STK4: variants seen among roughly 807,000 people sequenced by gnomAD.
STK4 encodes the protein serine/threonine-protein kinase 4.
STK4 carries 30 observed loss-of-function variants against 64.9 expected under a neutral mutation model. The ratio of observed to expected loss-of-function variants is 0.46; its 90% CI spans 0.35 to 0.63. STK4 has a LOEUF of 0.63. Ranked by LOEUF, STK4 falls within the 20% of genes least tolerant of loss-of-function variation. STK4 has a pLI of 0.01. For synonymous variants in STK4, 177 were observed against 199.0 expected (o/e 0.89, Z 0.93); for missense variants, 466 against 598.5 (o/e 0.78, Z 2.31).
chr20:45,039,425 C>G (rs1271579655), intron 10 of STK4, among the ~76,000 whole-genome samples: 1 of 151,440 alleles, frequency 6.6e-6, no homozygotes, highest in African/African-American at 2.4e-5. Context: ...TTCCAGAATA[C>G]TTATTTTCAT....
At chr20:45,028,821 T>G (rs991315841) in intron 10 of STK4, among the ~76,000 whole-genome samples, 2 of 152,242 alleles carry the variant, frequency 1.3e-5, no homozygotes, top group Non-Finnish European at 2.9e-5. Flanking sequence ...TTTCTCATAC[T>G]AAGATCATTG....
intron 10 of STK4, among the ~76,000 whole-genome samples, chr20:45,031,692 A>T (rs1325596376): frequency 2.0e-5 from 3 of 152,136 alleles, no homozygotes; most frequent in African/African-American, 7.2e-5. Context: ...ACGTGAGGTC[A>T]GGAGTTTGAG....
At chr20:45,006,984 T>C (rs1056384379) in intron 9 of STK4, among the ~76,000 whole-genome samples, 1 of 152,224 alleles carries the variant, frequency 6.6e-6, no homozygotes, top group African/African-American at 2.4e-5. Flanking sequence ...TGTGGGTTTC[T>C]TTCCCGCTTT....
At chr20:45,014,558 G>A (rs34864931) in intron 9 of STK4, among the ~76,000 whole-genome samples, 38,669 of 151,618 alleles carry the variant, frequency 0.26, 5,617 homozygotes, top group Middle Eastern at 0.43. Context: ...TTTTTTAGTG[G>A]CAAAGATAAC....
At chr20:44,975,688 A>G (rs2067328042) in intron 2 of STK4, 1 of 152,156 alleles carries the variant, frequency 6.6e-6, no homozygotes, top group Non-Finnish European at 1.5e-5. Flanking sequence ...ACAACCAGAA[A>G]GTGTCATTTG....
At chr20:45,001,778 G>T (rs2067846605) in intron 9 of STK4, among the ~76,000 whole-genome samples, 1 of 152,132 alleles carries the variant, frequency 6.6e-6, no homozygotes, top group Non-Finnish European at 1.5e-5. Flanking sequence ...TACCAATACT[G>T]TCAGTCAATG....
At chr20:45,050,098 G>A (rs1383393324) in intron 10 of STK4, among the ~76,000 whole-genome samples, 1 of 152,122 alleles carries the variant, frequency 6.6e-6, no homozygotes, top group Non-Finnish European at 1.5e-5. Context: ...AGAGTAAGGG[G>A]ATCTTCCTAG....
At chr20:45,009,437 T>G (rs1295567319) in intron 9 of STK4, among the ~76,000 whole-genome samples, 1 of 152,174 alleles carries the variant, frequency 6.6e-6, no homozygotes, top group East Asian at 1.9e-4. Flanking sequence ...TTCTGGTTAC[T>G]ATAGTCTTAT....
intron 3 of STK4, among the ~76,000 whole-genome samples, chr20:44,981,435 G>A (rs1352501269): frequency 6.6e-6 from 1 of 152,122 alleles, no homozygotes; most frequent in Admixed American, 6.5e-5. Flanking sequence ...GATTACAGGT[G>A]TGAGCCACTG....
intron 9 of STK4, among the ~76,000 whole-genome samples, chr20:45,017,942 A>G (rs2068173517): frequency 6.6e-6 from 1 of 152,232 alleles, no homozygotes; most frequent in Non-Finnish European, 1.5e-5. Context: ...AGGGAACCTT[A>G]TAACTTATGA....
intron 10 of STK4, among the ~76,000 whole-genome samples, chr20:45,066,704 G>C (rs1430425897): frequency 6.6e-6 from 1 of 152,208 alleles, no homozygotes; most frequent in Non-Finnish European, 1.5e-5. Context: ...AAATGGGATT[G>C]AGGCAATTGT....
intron 10 of STK4, among the ~76,000 whole-genome samples, chr20:45,054,610 C>T (rs891409776): frequency 2.0e-5 from 3 of 149,764 alleles, no homozygotes; most frequent in African/African-American, 7.4e-5. Flanking sequence ...AGTACAGACC[C>T]CAGAGTCAGA....
In STK4 at chr20:45,025,138, G is replaced by C. The variant is rs2068322584; in HGVS notation, c.1305+8G>C. On this transcript the variant is annotated splice_region_variant and intron_variant, in intron 10 of 10. Transcript: ENST00000372806. Reference sequence around the variant, plus strand: ...GATGGAGACTACGAGTTTGTAAGTAGTGTTGGAAGTAAATGGTTATGTCTT... The same window carrying C: ...GATGGAGACTACGAGTTTGTAAGTACTGTTGGAAGTAAATGGTTATGTCTT... 1 of 1,601,400 alleles carries C rather than the reference G, an allele frequency of 6.2e-7. No homozygotes were observed. The highest frequency in any genetic ancestry group is 1.3e-5 in the African/African-American group (1 of 74,298).
chr20:45,053,888 A>G (rs140024119), intron 10 of STK4, among the ~76,000 whole-genome samples: 1 of 152,160 alleles, frequency 6.6e-6, no homozygotes, highest in East Asian at 1.9e-4. Flanking sequence ...GTGTAAAGAT[A>G]GTAGTTTTTT....
At chr20:45,012,025 C>G (rs1026504189) in intron 9 of STK4, among the ~76,000 whole-genome samples, 3 of 151,322 alleles carry the variant, frequency 2.0e-5, no homozygotes, top group African/African-American at 7.3e-5. Flanking sequence ...TTATATCACT[C>G]TTCTCCGATA....
At chr20:45,055,054 A>G (rs1300718321) in intron 10 of STK4, among the ~76,000 whole-genome samples, 1 of 151,852 alleles carries the variant, frequency 6.6e-6, no homozygotes, top group African/African-American at 2.4e-5. Flanking sequence ...CATGTACACA[A>G]TTTCTCTGGC....
In STK4 at chr20:45,025,026, C is replaced by G. The variant is rs376797397; in HGVS notation, c.1201C>G (p.Gln401Glu). ...AKPSFLEYFE[Q>E]KEKENQINSF... Reference sequence around the variant, plus strand: ...ACCATCCTTTCTTGAATATTTTGAACAAAAAGAAAAGGAAAACCAGATCAA... The same window carrying G: ...ACCATCCTTTCTTGAATATTTTGAAGAAAAAGAAAAGGAAAACCAGATCAA... Residue 401 changes from glutamine to glutamate, a missense_variant, in exon 10 of 11, where the codon CAA (glutamine) becomes GAA (glutamate). Gln to Glu is a conservative substitution (Grantham distance 29). Around this residue, in one of 2 missense-constraint regions of STK4, gnomAD observed 276 missense variants for 308.9 expected, o/e 0.89. Transcript: ENST00000372806. 3.0e-5 allele frequency: 48 copies of G among 1,612,844 alleles called. No homozygotes were observed. The highest frequency in any genetic ancestry group is 4.0e-5 in the Non-Finnish European group (47 of 1,179,452).
At chr20:45,007,059 G>A (rs1010819935) in intron 9 of STK4, among the ~76,000 whole-genome samples, 1 of 152,014 alleles carries the variant, frequency 6.6e-6, no homozygotes, top group Non-Finnish European at 1.5e-5. Flanking sequence ...TTGTTTGTTT[G>A]TTTGTTTTTT....
At chr20:45,067,185 T>C (rs1979648019) in intron 10 of STK4, among the ~76,000 whole-genome samples, 1 of 152,136 alleles carries the variant, frequency 6.6e-6, no homozygotes, top group Non-Finnish European at 1.5e-5. Context: ...GATGGTGGCT[T>C]CATTCAACTT....
Sources: allele counts gnomAD v4.1 joint callset (sites outside exome capture counted in the v4.1 genomes callset), GRCh38; gene constraint gnomAD v4.1.1; regional missense constraint gnomAD v4.1.1; transcripts MANE v1.5; gene names NCBI Gene and HGNC (gene_info 2026-07-23, HGNC 2026-07-21).